GLRA3: variants seen among roughly 807,000 people sequenced by gnomAD.
The protein encoded by GLRA3 is glycine receptor subunit alpha-3.
A neutral mutation model predicts 60.4 loss-of-function variants in GLRA3; 44 were observed. The observed-to-expected ratio is 0.73, with a 90% CI of 0.57 to 0.94. The LOEUF (loss-of-function observed/expected upper bound fraction) is 0.94. GLRA3 is among the 40% of genes least tolerant of loss of function. The pLI is 0.00. For missense variants in GLRA3, 508 were observed against 564.6 expected, an observed-to-expected ratio of 0.90 and a Z score of 1.02; for synonymous variants, 223 against 192.9, an observed-to-expected ratio of 1.16 and a Z score of -1.29.
chr4:174,764,571 C>T (rs1180662870), intron 3 of GLRA3, among the ~76,000 whole-genome samples: 3 of 140,946 alleles, frequency 2.1e-5, no homozygotes, highest in African/African-American at 7.8e-5. Flanking sequence ...AAAAAAAGAA[C>T]AGAAGTAAAC....
At chr4:174,656,115 C>T (rs1296865777) in intron 9 of GLRA3, among the ~76,000 whole-genome samples, 2 of 152,064 alleles carry the variant, frequency 1.3e-5, no homozygotes, top group Non-Finnish European at 2.9e-5. Context: ...AAACCACGTA[C>T]AGACCCAAAC....
intron 1 of GLRA3, among the ~76,000 whole-genome samples, chr4:174,790,825 C>CAAAAAAAAAA (rs751090125): frequency 0.014 from 877 of 62,366 alleles, no homozygotes; most frequent in Middle Eastern, 0.016. Context: ...CTAAAAAATA[C>CAAAAAAAAAA]AAAAAAAAAA....
chr4:174,719,258 C>T lies in GLRA3; in HGVS notation c.492-3688G>A, dbSNP rs113063713. Among the ~76,000 whole-genome samples the T allele has an allele frequency of 4.4e-3, 676 of 152,216 alleles. 7 individuals carry two copies. Among genetic ancestry groups the T allele is most frequent in the African/African-American group, 0.015 (642 of 41,540 alleles). On this transcript the variant is annotated intron_variant, in intron 4 of 9. Coordinates refer to ENST00000274093, the MANE Select transcript of GLRA3 (RefSeq NM_006529.4). ...GATTACAGGCGTGAGCCACCGCGCC[C>T]GGCCTCGTGCTTTTAACCTTTAAGT...
intron 2 of GLRA3, among the ~76,000 whole-genome samples, chr4:174,782,318 CAAA>C (rs1291065543): frequency 1.3e-5 from 2 of 151,878 alleles, no homozygotes; most frequent in Non-Finnish European, 2.9e-5. Flanking sequence ...GGACGTATTT[CAAA>C]ATAATAAGAG....
chr4:174,679,607 T>C (rs550959465), intron 6 of GLRA3, among the ~76,000 whole-genome samples: 7 of 152,218 alleles, frequency 4.6e-5, no homozygotes, highest in African/African-American at 9.6e-5. Flanking sequence ...CTATTCACAA[T>C]AGCTAAGATA....
intron 4 of GLRA3, among the ~76,000 whole-genome samples, chr4:174,716,631 C>T (rs1464910337): frequency 6.6e-6 from 1 of 152,088 alleles, no homozygotes; most frequent in East Asian, 1.9e-4. Context: ...ACTTAAACTT[C>T]GTGACCCTAG....
intron 1 of GLRA3, among the ~76,000 whole-genome samples, chr4:174,802,694 G>T (rs1739865512): frequency 6.6e-6 from 1 of 151,914 alleles, no homozygotes; most frequent in South Asian, 2.1e-4. Context: ...CTGAACCCCT[G>T]GTGTTTGGTA....
chr4:174,717,495 T>C (rs569502831), intron 4 of GLRA3, among the ~76,000 whole-genome samples: 25 of 152,286 alleles, frequency 1.6e-4, no homozygotes, highest in Admixed American at 6.5e-5. Context: ...ACCATAGACA[T>C]AAAGTTAGAA....
chr4:174,706,689 T>A (rs1011662273), intron 5 of GLRA3, among the ~76,000 whole-genome samples: 2 of 152,140 alleles, frequency 1.3e-5, no homozygotes, highest in African/African-American at 4.8e-5. Flanking sequence ...CTGTATCTTT[T>A]CTCCGAAGGA....
At chr4:174,678,130 TAAC>T (rs1734200525) in intron 6 of GLRA3, among the ~76,000 whole-genome samples, 1 of 152,116 alleles carries the variant, frequency 6.6e-6, no homozygotes, top group Non-Finnish European at 1.5e-5. Flanking sequence ...AATTTGAAAA[TAAC>T]TTAAAAACAC....
At chr4:174,706,610 G>A (rs1407130422) in intron 5 of GLRA3, among the ~76,000 whole-genome samples, 2 of 152,090 alleles carry the variant, frequency 1.3e-5, no homozygotes, top group Non-Finnish European at 2.9e-5. Context: ...AGGGATCCTC[G>A]GGTTCTATAA....
chr4:174,794,136 T>C (rs1260514861), intron 1 of GLRA3, among the ~76,000 whole-genome samples: 1 of 136,816 alleles, frequency 7.3e-6, no homozygotes, highest in African/African-American at 2.8e-5. Flanking sequence ...AATCTTAAAA[T>C]AGAATAAGAA....
At chr4:174,714,616 C>T (rs1380598692) in intron 5 of GLRA3, among the ~76,000 whole-genome samples, 1 of 152,182 alleles carries the variant, frequency 6.6e-6, no homozygotes, top group Non-Finnish European at 1.5e-5. Context: ...CATCACACTA[C>T]AAGCCTTGTC....
chr4:174,652,339 C>T (rs201676014), intron 9 of GLRA3, among the ~76,000 whole-genome samples: 68 of 152,168 alleles, frequency 4.5e-4, no homozygotes, highest in East Asian at 1.5e-3. Flanking sequence ...GACTCAGAGA[C>T]ATTATGTGTT....
intron 5 of GLRA3, 92 bp from the exon 6 acceptor site, chr4:174,683,031 G>T: frequency 1.0e-6 from 1 of 955,646 alleles, no homozygotes; most frequent in Non-Finnish European, 1.6e-6. Flanking sequence ...AGGATGAGAA[G>T]ACCAAACAGT....
intron 3 of GLRA3, among the ~76,000 whole-genome samples, chr4:174,766,509 G>A (rs1423487464): frequency 6.6e-6 from 1 of 152,002 alleles, no homozygotes; most frequent in Admixed American, 6.6e-5. Context: ...TTCAAATACA[G>A]TTGATAAAAT....
At chr4:174,826,374 T>C (rs1263017867) in intron 1 of GLRA3, among the ~76,000 whole-genome samples, 3 of 152,162 alleles carry the variant, frequency 2.0e-5, no homozygotes, top group Non-Finnish European at 4.4e-5. Flanking sequence ...ATACTTATTA[T>C]ATAAGTCAGG....
At chr4:174,687,983 CAGAA>C (rs1466573729) in intron 5 of GLRA3, among the ~76,000 whole-genome samples, 1 of 151,700 alleles carries the variant, frequency 6.6e-6, no homozygotes, top group African/African-American at 2.4e-5. Context: ...TTTTTGCCTT[CAGAA>C]GAAGGCAAAA....
At chr4:174,762,156 GT>G (rs1737965390) in intron 3 of GLRA3, among the ~76,000 whole-genome samples, 1 of 152,098 alleles carries the variant, frequency 6.6e-6, no homozygotes, top group East Asian at 1.9e-4. Context: ...GTGTGGGGGC[GT>G]TATGGGTGGT....
Sources: allele counts gnomAD v4.1 joint callset (sites outside exome capture counted in the v4.1 genomes callset), GRCh38; gene constraint gnomAD v4.1.1; transcripts MANE v1.5; gene names NCBI Gene and HGNC (gene_info 2026-07-23, HGNC 2026-07-21).